SOX5: variants seen among roughly 807,000 people sequenced by gnomAD.
SOX5 encodes the protein transcription factor SOX-5.
SOX5 carries 9 observed loss-of-function variants against 92.0 expected under a neutral mutation model. That is an observed-to-expected ratio of 0.10 (90% CI 0.06 to 0.17). SOX5 has a LOEUF of 0.17. Ranked by LOEUF, SOX5 falls within the 10% of genes least tolerant of loss-of-function variation. The probability of loss-of-function intolerance (pLI) is 1.00; values close to 1 mark genes in which losing one functional copy is unlikely to be tolerated. For synonymous variants in SOX5, 344 were observed against 336.3 expected (o/e 1.02, Z -0.25); for missense variants, 642 against 944.5 (o/e 0.68, Z 4.20).
chr12:23,706,359 A>T (rs1476999232), intron 6 of SOX5, among the ~76,000 whole-genome samples: 1 of 152,086 alleles, frequency 6.6e-6, no homozygotes, highest in Non-Finnish European at 1.5e-5. Flanking sequence ...AACAAATAAG[A>T]TATTCAGTCA....
At chr12:24,103,536 G>T (rs1946333419) in intron 4 of SOX5, among the ~76,000 whole-genome samples, 1 of 151,858 alleles carries the variant, frequency 6.6e-6, no homozygotes, top group Admixed American at 6.6e-5. Flanking sequence ...TTTATTTTTT[G>T]CAGAAATAGG....
chr12:23,530,444 A>G lies in SOX5; in HGVS notation c.*3775T>C, dbSNP rs1591793428. ...GAAATCAAATCTATAAAATAGCTTC[A>G]CCACAGAAAACTTTTTTATATTTGT... On this transcript the variant is annotated 3_prime_UTR_variant, in exon 15 of 15. Transcript: ENST00000451604. 1 of 152,042 alleles carries G rather than the reference A, an allele frequency of 6.6e-6. No homozygotes were observed. The highest frequency in any genetic ancestry group is 1.9e-4 in the East Asian group (1 of 5,132). 9.4% of individuals were successfully genotyped at this position (152,042 alleles called of 1,614,324 possible). A position where few individuals can be genotyped will look rare whatever the true frequency, so the allele number is the denominator to read the frequency against.
At chr12:23,735,650 G>C (rs938267625) in intron 5 of SOX5, among the ~76,000 whole-genome samples, 7 of 152,080 alleles carry the variant, frequency 4.6e-5, no homozygotes, top group Admixed American at 1.3e-4. Context: ...TTAAGCATCA[G>C]GTCCATTTAT....
intron 7 of SOX5, among the ~76,000 whole-genome samples, chr12:23,645,110 A>G (rs929240611): frequency 1.3e-5 from 2 of 152,160 alleles, no homozygotes; most frequent in African/African-American, 4.8e-5. Flanking sequence ...TATCTTTTCT[A>G]ATTAAGTGCT....
intron 2 of SOX5, among the ~76,000 whole-genome samples, chr12:24,320,029 C>A (rs1348936525): frequency 1.3e-5 from 2 of 152,176 alleles, no homozygotes; most frequent in Non-Finnish European, 2.9e-5. Flanking sequence ...TACTAGACTG[C>A]TAAACTTCTT....
At chr12:24,333,109 C>T (rs1335680791) in intron 2 of SOX5, among the ~76,000 whole-genome samples, 1 of 152,030 alleles carries the variant, frequency 6.6e-6, no homozygotes. Context: ...TGATATTACA[C>T]TTTGCAGCCA....
intron 1 of SOX5, among the ~76,000 whole-genome samples, chr12:24,502,532 C>G (rs745849152): frequency 1.3e-5 from 2 of 152,140 alleles, no homozygotes; most frequent in Non-Finnish European, 2.9e-5. Context: ...AGGAACAGTT[C>G]TTCCTTACAG....
At chr12:23,906,357 G>C (rs2097293200) in intron 1 of SOX5, among the ~76,000 whole-genome samples, 1 of 152,102 alleles carries the variant, frequency 6.6e-6, no homozygotes, top group Non-Finnish European at 1.5e-5. Context: ...TTTTCCATTT[G>C]AGCATGGGTT....
At chr12:23,802,985 A>T (rs147453576) in intron 3 of SOX5, among the ~76,000 whole-genome samples, 1 of 152,050 alleles carries the variant, frequency 6.6e-6, no homozygotes, top group African/African-American at 2.4e-5. Context: ...AACTACATTC[A>T]ATCTTAACTT....
At position 23,638,887 on chromosome 12, in the gene SOX5, C is replaced by CA. The variant is rs57608068; in HGVS notation, c.1017+1924dup. Among the ~76,000 whole-genome samples the CA allele has an allele frequency of 4.7e-3, 564 of 119,582 alleles. 2 individuals carry two copies. The highest frequency in any genetic ancestry group is 8.1e-3 in the African/African-American group (262 of 32,472). 78.5% of individuals were successfully genotyped at this position (119,582 alleles called of 152,430 possible). The stretch of plus-strand genomic sequence containing the variant: ...CTGAATAACGGTTATTTTCTCACTG[C>CA]AAAAAAAAAAAAAACAACTTTTTTA... On this transcript the variant is annotated intron_variant, in intron 8 of 14. Transcript: ENST00000451604.
At chr12:23,961,319 G>C (rs1485516298) in intron 4 of SOX5, among the ~76,000 whole-genome samples, 2 of 152,072 alleles carry the variant, frequency 1.3e-5, no homozygotes, top group Non-Finnish European at 2.9e-5. Flanking sequence ...GGTGAAAACT[G>C]ACATTATAAA....
At chr12:24,122,946 G>A (rs902195826) in intron 4 of SOX5, among the ~76,000 whole-genome samples, 8 of 152,224 alleles carry the variant, frequency 5.3e-5, no homozygotes, top group African/African-American at 1.4e-4. Flanking sequence ...GCCATTAGAG[G>A]CAAGTTCAAT....
intron 4 of SOX5, among the ~76,000 whole-genome samples, chr12:24,099,592 G>A (rs1271326507): frequency 1.3e-5 from 2 of 152,102 alleles, no homozygotes; most frequent in Non-Finnish European, 2.9e-5. Context: ...ACTTGGCTGA[G>A]AGTTACTGGC....
chr12:24,331,248 A>G (rs1951270079), intron 2 of SOX5: 1 of 152,226 alleles, frequency 6.6e-6, no homozygotes, highest in South Asian at 2.1e-4. Flanking sequence ...TGACTTTAGC[A>G]GTCTTCCAAG....
chr12:23,666,419 G>C (rs1287868446), intron 6 of SOX5, among the ~76,000 whole-genome samples: 1 of 152,090 alleles, frequency 6.6e-6, no homozygotes, highest in Non-Finnish European at 1.5e-5. Context: ...GAGCCGAAAA[G>C]GAATTTTTAG....
At chr12:23,742,164 A>G (rs1257909037) in intron 4 of SOX5, among the ~76,000 whole-genome samples, 1 of 152,180 alleles carries the variant, frequency 6.6e-6, no homozygotes, top group Non-Finnish European at 1.5e-5. Context: ...ACCCCAGTGC[A>G]TTTCTCCTAC....
intron 4 of SOX5, among the ~76,000 whole-genome samples, chr12:24,068,677 C>CGTGTGTGTGTGTGTGTGT (rs1941193872): frequency 1.3e-5 from 1 of 76,076 alleles, no homozygotes; most frequent in Non-Finnish European, 2.6e-5. Context: ...AGGTCAAAGT[C>CGTGTGTGTGTGTGTGTGT]GTATGTGTGT....
intron 4 of SOX5, among the ~76,000 whole-genome samples, chr12:24,024,318 G>A (rs1431127323): frequency 6.6e-6 from 1 of 151,936 alleles, no homozygotes; most frequent in Non-Finnish European, 1.5e-5. Flanking sequence ...CTTGTAAAGT[G>A]TATTTCATTC....
intron 4 of SOX5, among the ~76,000 whole-genome samples, chr12:23,958,165 G>A (rs1356255324): frequency 6.6e-6 from 1 of 152,004 alleles, no homozygotes; most frequent in Non-Finnish European, 1.5e-5. Flanking sequence ...TCGTGGTACA[G>A]AAACCCAACT....
Sources: gnomAD v4.1 joint callset for allele counts (sites outside exome capture counted in the v4.1 genomes callset) on GRCh38, gnomAD v4.1.1 for gene constraint, MANE v1.5 for transcripts, NCBI Gene and HGNC (gene_info 2026-07-23, HGNC 2026-07-21) for gene names.